The following AMER3 variants were observed in gnomAD, a reference collection of about 807,000 sequenced individuals.
The protein encoded by AMER3 is APC membrane recruitment protein 3.
For synonymous variants in AMER3, 541 were observed against 485.5 expected, an observed-to-expected ratio of 1.11 and a Z score of -1.50; for missense variants, 1,201 against 1,139.4, an observed-to-expected ratio of 1.05 and a Z score of -0.78.
At chr2:130,755,813 T>G (rs985911250) in intron 1 of AMER3, 139 bp downstream of exon 1, 25 of 152,114 alleles carry the variant, frequency 1.6e-4, no homozygotes, top group Admixed American at 1.6e-3. Context: ...TGGGTAAGAC[T>G]CGTGACGAGG....
At position 130,766,507 on chromosome 2, in the gene AMER3, T is replaced by C. The variant is rs1040403877; in HGVS notation, c.*1849T>C. On this transcript the variant is annotated 3_prime_UTR_variant, in exon 2 of 2. Coordinates refer to ENST00000321420, the MANE Select transcript of AMER3 (RefSeq NM_152698.3). ...GCTTTTTTTTTTTTTTTTTTTTTTT[T>C]TGAGACAGGGTCTCACTTTGTTGCC... 3.3e-5 allele frequency: 5 copies of C among 151,690 alleles called. No individual in the cohort carries two copies. The Admixed American group carries it at 3.4e-4, about 10-fold the overall frequency. 9.4% of individuals were successfully genotyped at this position (151,690 alleles called of 1,614,324 possible). A position where few individuals can be genotyped will look rare whatever the true frequency, so the allele number is the denominator to read the frequency against.
In AMER3 at chr2:130,762,633, A is replaced by G; in HGVS notation, c.561A>G (p.Pro187=). 1.9e-6 allele frequency: 3 copies of G among 1,611,946 alleles called. No homozygotes were observed. The highest frequency in any genetic ancestry group is 2.5e-6 in the Non-Finnish European group (3 of 1,179,888). Residue 187 remains proline (P), a synonymous_variant, in exon 2 of 2, where the codon CCA becomes CCG. Transcript: ENST00000321420. The part of the protein sequence containing the change: ...LAAEGKSLPS[P]GDPSDPGGRR... ...CCGAGGGGAAAAGCCTGCCCTCCCCAGGGGACCCGTCAGACCCTGGGGGGC... is the reference window on the plus strand; with the variant it reads ...CCGAGGGGAAAAGCCTGCCCTCCCCGGGGGACCCGTCAGACCCTGGGGGGC...
rs770692797 is a variant in AMER3, at chr2:130,764,659, G to A, written c.*1G>A. Reference sequence around the variant, plus strand: ...AGCCATGGCTGAGCCCCATCTGTAGGACAGGCTCACATGCACCAGGAACTG... The same window carrying A: ...AGCCATGGCTGAGCCCCATCTGTAGAACAGGCTCACATGCACCAGGAACTG... On this transcript the variant is annotated 3_prime_UTR_variant, in exon 2 of 2. Coordinates refer to ENST00000321420, the MANE Select transcript of AMER3 (RefSeq NM_152698.3). The A allele has an allele frequency of 8.1e-6, 13 of 1,598,064 alleles. 1 individual carries two copies. The highest frequency in any genetic ancestry group is 1.7e-5 in the Admixed American group (1 of 57,298).
chr2:130,758,059 G>A (rs1198230188), intron 1 of AMER3, among the ~76,000 whole-genome samples: 12 of 151,724 alleles, frequency 7.9e-5, no homozygotes, highest in Non-Finnish European at 1.6e-4. Context: ...GTGTGAACCC[G>A]CGAGGTGGAG....
chr2:130,757,293 C>T (rs1256643938), intron 1 of AMER3, among the ~76,000 whole-genome samples: 1 of 152,208 alleles, frequency 6.6e-6, no homozygotes, highest in Non-Finnish European at 1.5e-5. Flanking sequence ...CTGTGTGTGC[C>T]GTGTAAAACA....
In AMER3 at chr2:130,762,382, G is replaced by A. The variant is rs752070306; in HGVS notation, c.310G>A (p.Ala104Thr). 3.7e-5 allele frequency: 59 copies of A among 1,610,614 alleles called. No individual in the cohort carries two copies. The change falls in exon 2 of 2, where the codon GCC (alanine) becomes ACC (threonine). Residue 104 changes from alanine (A) to threonine (T), a missense_variant. Coordinates refer to ENST00000321420, the MANE Select transcript of AMER3 (RefSeq NM_152698.3). The part of the protein sequence containing the change: ...THDSMSGAGR[A>T]TAATGQLVGS... ...CGACAGCATGTCTGGGGCAGGCAGG[G>A]CCACGGCTGCCACAGGGCAGCTGGT... is the stretch of plus-strand genomic sequence containing the variant.
rs770690056 is a variant in AMER3, at chr2:130,762,326, C to T, written c.254C>T (p.Thr85Ile). Reference protein sequence around the residue: ...KGGPAALCGATFKPVRKCKTH... With the variant: ...KGGPAALCGAIFKPVRKCKTH... ...GGACCCGCAGCCCTCTGTGGAGCCA[C>T]CTTCAAACCGGTGCGAAAGTGCAAG... The change falls in exon 2 of 2, where the codon ACC (threonine) becomes ATC (isoleucine). Residue 85 changes from threonine (T) to isoleucine (I), a missense_variant. Transcript: ENST00000321420. The T allele has an allele frequency of 1.2e-6, 2 of 1,609,932 alleles. No individual in the cohort carries two copies. The highest frequency in any genetic ancestry group is 2.7e-5 in the African/African-American group (2 of 74,924).
In AMER3 at chr2:130,764,318, T is replaced by A; in HGVS notation, c.2246T>A (p.Val749Asp). The A allele has an allele frequency of 6.2e-7, 1 of 1,608,592 alleles. No homozygotes were observed. Among genetic ancestry groups the A allele is most frequent in the South Asian group, 1.1e-5 (1 of 90,816 alleles). The change falls in exon 2 of 2, where the codon GTC becomes GAC. Residue 749 changes from valine to aspartate, a missense_variant. By Grantham distance (152) the Val-to-Asp change is radical. Transcript: ENST00000321420. Reference sequence around the variant, plus strand: ...CAGGACCAGAGGTGTCGAGATCGTGTCCAGGACCTGAGCTGGCTCAGGGTG... The same window carrying A: ...CAGGACCAGAGGTGTCGAGATCGTGACCAGGACCTGAGCTGGCTCAGGGTG... ...STQDQRCRDR[V>D]QDLSWLRVEP...
chr2:130,763,720 C>A lies in AMER3; in HGVS notation c.1648C>A (p.Leu550Met), dbSNP rs2104783994. Residue 550 changes from leucine (L) to methionine (M), a missense_variant, in exon 2 of 2, where the codon CTG becomes ATG. Transcript: ENST00000321420. ...AGAGAAGCTGGGGGGCAGGGAGGGC[C>A]TGGCCTCAGATGCAGGGGGGGCGAC... ...PTEKLGGREG[L>M]ASDAGGATVC... is the part of the protein sequence containing the mutation. The A allele has an allele frequency of 6.4e-7, 1 of 1,570,692 alleles. No individual in the cohort carries two copies. The highest frequency in any genetic ancestry group is 8.6e-7 in the Non-Finnish European group (1 of 1,161,262).
chr2:130,755,853 C>G (rs1678586436), intron 1 of AMER3, 179 bp downstream of exon 1: 1 of 152,324 alleles, frequency 6.6e-6, no homozygotes, highest in African/African-American at 2.4e-5. Flanking sequence ...TCCGAGAGTG[C>G]TGCGGTCGGC....
At position 130,766,308 on chromosome 2, in the gene AMER3, C is replaced by T. The variant is rs1205113530; in HGVS notation, c.*1650C>T. On this transcript the variant is annotated 3_prime_UTR_variant, in exon 2 of 2. Coordinates refer to ENST00000321420, the MANE Select transcript of AMER3 (RefSeq NM_152698.3). ...CCCCAGTCTGGCCTACTCGCTGCCC[C>T]AGGACAGGTGGCTACAACATGCTGA... The T allele has an allele frequency of 6.0e-6, 1 of 167,026 alleles. No homozygotes were observed. Among genetic ancestry groups the T allele is most frequent in the Non-Finnish European group, 1.5e-5 (1 of 68,146 alleles). 10.3% of individuals were successfully genotyped at this position (167,026 alleles called of 1,614,324 possible). A position where few individuals can be genotyped will look rare whatever the true frequency, so the allele number is the denominator to read the frequency against.
rs1169451092 is a variant in AMER3, at chr2:130,765,612, G to C, written c.*954G>C. 2 of 166,990 alleles carry C rather than the reference G, an allele frequency of 1.2e-5. No homozygotes were observed. The highest frequency in any genetic ancestry group is 1.3e-4 in the Admixed American group (2 of 15,286). 10.3% of individuals were successfully genotyped at this position (166,990 alleles called of 1,614,324 possible). A position where few individuals can be genotyped will look rare whatever the true frequency, so the allele number is the denominator to read the frequency against. ...AATGCTTACACACACAGTCAACCTG[G>C]GATGCCGGCAGGGTGGCTCAGGACG... On this transcript the variant is annotated 3_prime_UTR_variant, in exon 2 of 2. Transcript: ENST00000321420.
Position 130,764,853 on chromosome 2 carries a change from A to G in AMER3, c.*195A>G. On this transcript the variant is annotated 3_prime_UTR_variant, in exon 2 of 2. Coordinates refer to ENST00000321420, the MANE Select transcript of AMER3 (RefSeq NM_152698.3). ...CTGAACCCACCAGCTCAGGCAGCCC[A>G]CCGCCAAAGACAGCGCGAAGCTGCA... The G allele has an allele frequency of 2.9e-6, 2 of 690,070 alleles. No homozygotes were observed. The highest frequency in any genetic ancestry group is 4.8e-6 in the Non-Finnish European group (2 of 414,514). The allele number at this position is 690,070 out of a possible 1,614,324, so 42.7% of individuals were successfully genotyped here. A position where few individuals can be genotyped will look rare whatever the true frequency, so the allele number is the denominator to read the frequency against.
rs760682073 is a variant in AMER3 at position 130,764,543 on chromosome 2, G to C, written c.2471G>C (p.Gly824Ala). The C allele has an allele frequency of 1.1e-5, 17 of 1,604,048 alleles. No homozygotes were observed. Among genetic ancestry groups the C allele is most frequent in the Admixed American group, 6.8e-5 (4 of 58,704 alleles). ...GLTLNSQQEG[G>A]VSASAPECRC... Reference sequence around the variant, plus strand: ...ACTTTGAACAGCCAGCAGGAAGGGGGGGTCTCTGCAAGTGCCCCAGAATGC... The same window carrying C: ...ACTTTGAACAGCCAGCAGGAAGGGGCGGTCTCTGCAAGTGCCCCAGAATGC... The change falls in exon 2 of 2, where the codon GGG becomes GCG. Residue 824 changes from glycine (G) to alanine (A), a missense_variant. Physicochemically the swap from Gly to Ala is moderately conservative, Grantham distance 60. Coordinates refer to ENST00000321420, the MANE Select transcript of AMER3 (RefSeq NM_152698.3).
chr2:130,756,050 A>G (rs1678593672), intron 1 of AMER3, among the ~76,000 whole-genome samples: 1 of 151,966 alleles, frequency 6.6e-6, no homozygotes, highest in South Asian at 2.1e-4. Flanking sequence ...CGATACGAAC[A>G]GACAAAGCCG....
chr2:130,762,342 A>G lies in AMER3; in HGVS notation c.270A>G (p.Arg90=), dbSNP rs1457987391. ...ALCGATFKPV[R]KCKTHDSMSG... is the part of the protein sequence containing the mutation. ...GTGGAGCCACCTTCAAACCGGTGCG[A>G]AAGTGCAAGACTCACGACAGCATGT... is the stretch of plus-strand genomic sequence containing the variant. Residue 90 remains arginine (R), a synonymous_variant, in exon 2 of 2, where the codon CGA becomes CGG. Coordinates refer to ENST00000321420, the MANE Select transcript of AMER3 (RefSeq NM_152698.3). 1 of 1,611,716 alleles carries G rather than the reference A, an allele frequency of 6.2e-7. No homozygotes were observed. The highest frequency in any genetic ancestry group is 8.5e-7 in the Non-Finnish European group (1 of 1,179,512).
chr2:130,763,143 C>T lies in AMER3; in HGVS notation c.1071C>T (p.Asp357=), dbSNP rs1678852597. The T allele has an allele frequency of 1.2e-6, 2 of 1,613,454 alleles. No individual in the cohort carries two copies. The highest frequency in any genetic ancestry group is 4.5e-5 in the East Asian group (2 of 44,876). ...LAELPLCPCR[D]PRSGSKASSI... ...AGCTGCCCCTCTGCCCCTGCAGGGA[C>T]CCTCGCAGCGGCTCCAAAGCCAGCT... Residue 357 remains aspartate (D), a synonymous_variant, in exon 2 of 2, where the codon GAC becomes GAT. Coordinates refer to ENST00000321420, the MANE Select transcript of AMER3 (RefSeq NM_152698.3).
In AMER3 at chr2:130,764,250, C is replaced by G. The variant is rs781608871; in HGVS notation, c.2178C>G (p.Pro726=). The change falls in exon 2 of 2, where the codon CCC becomes CCG. Residue 726 remains proline (P), a synonymous_variant. Coordinates refer to ENST00000321420, the MANE Select transcript of AMER3 (RefSeq NM_152698.3). ...MLEQKQSSSS[P]SMTTIHGLPY... is the part of the protein sequence containing the mutation. ...AGCAGAAACAGTCCAGCAGCTCCCC[C>G]AGCATGACCACCATCCATGGCCTAC... is the stretch of plus-strand genomic sequence containing the variant. 57 of 1,610,142 alleles carry G rather than the reference C, an allele frequency of 3.5e-5. 1 individual carries two copies. The Admixed American group carries it at 9.4e-4, about 26-fold the overall frequency.
chr2:130,766,034 C>T lies in AMER3; in HGVS notation c.*1376C>T, dbSNP rs539978800. 17 of 167,198 alleles carry T rather than the reference C, an allele frequency of 1.0e-4. No individual in the cohort carries two copies. Among genetic ancestry groups the T allele is most frequent in the African/African-American group, 2.9e-4 (12 of 41,586 alleles). The allele number at this position is 167,198 out of a possible 1,614,324, so 10.4% of individuals were successfully genotyped here. On this transcript the variant is annotated 3_prime_UTR_variant, in exon 2 of 2. Coordinates refer to ENST00000321420, the MANE Select transcript of AMER3 (RefSeq NM_152698.3). ...CATTTTCAGTCTCCAAATAAAGCCC[C>T]AAGCAAGGCAGTAGCTCCACCTAAC...
Sources: gnomAD v4.1 joint callset for allele counts (sites outside exome capture counted in the v4.1 genomes callset) on GRCh38, gnomAD v4.1.1 for gene constraint, MANE v1.5 for transcripts, NCBI Gene and HGNC (gene_info 2026-07-23, HGNC 2026-07-21) for gene names.